The following CTNNA2 variants were observed in gnomAD, a reference collection of about 807,000 sequenced individuals.
CTNNA2 encodes catenin alpha-2.
In CTNNA2, 42 loss-of-function variants were observed where a neutral mutation model predicts 101.0. That is an observed-to-expected ratio of 0.42 (90% confidence interval 0.32 to 0.54). The LOEUF (loss-of-function observed/expected upper bound fraction) is 0.54. Among genes scored for constraint, CTNNA2 ranks in the 20% least tolerant of loss-of-function variants. The pLI is 0.14. For missense variants in CTNNA2, 871 were observed against 1,223.1 expected, an observed-to-expected ratio of 0.71 and a Z score of 4.29; for synonymous variants, 450 against 456.4, an observed-to-expected ratio of 0.99 and a Z score of 0.18.
intron 9 of CTNNA2, among the ~76,000 whole-genome samples, chr2:80,534,143 G>A (rs965265662): frequency 2.6e-5 from 4 of 152,100 alleles, no homozygotes; most frequent in Non-Finnish European, 5.9e-5. Flanking sequence ...AGTGGTGTGT[G>A]TATCCCTAAG....
intron 4 of CTNNA2, among the ~76,000 whole-genome samples, chr2:79,382,777 C>T (rs1046311691): frequency 1.3e-5 from 2 of 152,088 alleles, no homozygotes; most frequent in Non-Finnish European, 2.9e-5. Context: ...CCACGCCCGG[C>T]TAATTTTTCA....
intron 2 of CTNNA2, among the ~76,000 whole-genome samples, chr2:79,257,586 G>GA (rs958681623): frequency 4.7e-5 from 7 of 149,848 alleles, no homozygotes; most frequent in South Asian, 4.2e-4. Context: ...ATAGGAAAAA[G>GA]AAAAAAAAGA....
intron 2 of CTNNA2, among the ~76,000 whole-genome samples, chr2:79,200,827 CTT>C (rs1302212246): frequency 2.6e-5 from 4 of 151,726 alleles, no homozygotes; most frequent in African/African-American, 7.3e-5. Flanking sequence ...AAAAAAAAAA[CTT>C]TTTAAATCTC....
chr2:80,110,721 G>A (rs1010674809), intron 7 of CTNNA2, among the ~76,000 whole-genome samples: 3 of 152,120 alleles, frequency 2.0e-5, no homozygotes, highest in African/African-American at 7.2e-5. Context: ...GAATTTCCAG[G>A]TCTTCCCCTG....
intron 7 of CTNNA2, among the ~76,000 whole-genome samples, chr2:79,944,059 A>G (rs563720927): frequency 1.3e-5 from 2 of 152,300 alleles, no homozygotes; most frequent in South Asian, 4.1e-4. Context: ...GAAATTGCCT[A>G]AAATAAAAGA....
intron 7 of CTNNA2, among the ~76,000 whole-genome samples, chr2:80,110,586 C>T (rs2148860139): frequency 6.6e-6 from 1 of 152,104 alleles, no homozygotes; most frequent in East Asian, 1.9e-4. Context: ...TTGTTTATAG[C>T]CTGTAGAGTT....
At chr2:79,921,868 C>G (rs1448028456) in intron 7 of CTNNA2, among the ~76,000 whole-genome samples, 1 of 152,182 alleles carries the variant, frequency 6.6e-6, no homozygotes, top group Non-Finnish European at 1.5e-5. Flanking sequence ...TTTTGCCCGA[C>G]TGCTCCTGCA....
chr2:79,682,057 A>T (rs1683597213), intron 2 of CTNNA2, among the ~76,000 whole-genome samples: 1 of 152,180 alleles, frequency 6.6e-6, no homozygotes, highest in Non-Finnish European at 1.5e-5. Context: ...TGTTTCTTGT[A>T]TGAAACAATC....
intron 7 of CTNNA2, among the ~76,000 whole-genome samples, chr2:80,215,503 C>G (rs962838188): frequency 1.3e-5 from 2 of 152,204 alleles, no homozygotes; most frequent in Admixed American, 6.5e-5. Context: ...AGCTGCAGGT[C>G]TGTTGGAGTT....
chr2:80,353,107 T>C (rs1183070180), intron 7 of CTNNA2, among the ~76,000 whole-genome samples: 1 of 152,080 alleles, frequency 6.6e-6, no homozygotes, highest in African/African-American at 2.4e-5. Flanking sequence ...AATGCTCAGG[T>C]CCTAGAGCAT....
intron 3 of CTNNA2, among the ~76,000 whole-genome samples, chr2:79,801,318 C>T (rs923597384): frequency 5.3e-5 from 8 of 152,102 alleles, no homozygotes; most frequent in East Asian, 1.9e-4. Context: ...GCTTTTGCCA[C>T]GAGCTTTTGG....
intron 7 of CTNNA2, among the ~76,000 whole-genome samples, chr2:80,024,981 GC>G (rs976610653): frequency 1.1e-4 from 16 of 152,146 alleles, no homozygotes; most frequent in Non-Finnish European, 1.6e-4. Context: ...GCTGGAAGGG[GC>G]AAGGCAGTGG....
intron 2 of CTNNA2, among the ~76,000 whole-genome samples, chr2:79,710,851 A>G (rs976644330): frequency 1.3e-5 from 2 of 152,136 alleles, no homozygotes; most frequent in African/African-American, 4.8e-5. Flanking sequence ...CCCCACATGA[A>G]TATTTCCATT....
chr2:80,069,372 A>G (rs1277270352), intron 7 of CTNNA2, among the ~76,000 whole-genome samples: 1 of 152,208 alleles, frequency 6.6e-6, no homozygotes, highest in East Asian at 1.9e-4. Flanking sequence ...TTAAGTTGCC[A>G]TATAAAATTA....
intron 15 of CTNNA2, among the ~76,000 whole-genome samples, chr2:80,599,148 TAAA>T (rs1697245175): frequency 1.3e-5 from 2 of 152,214 alleles, no homozygotes; most frequent in African/African-American, 4.8e-5. Context: ...TATTTCAAAA[TAAA>T]AAGTTAAAAA....
At chr2:80,548,038 T>C (rs999242643) in intron 11 of CTNNA2, among the ~76,000 whole-genome samples, 25 of 152,156 alleles carry the variant, frequency 1.6e-4, no homozygotes, top group Non-Finnish European at 7.3e-5. Flanking sequence ...GATAGCTGAG[T>C]CCTAATCTTG....
At chr2:80,164,107 A>C (rs1239086285) in intron 7 of CTNNA2, among the ~76,000 whole-genome samples, 1 of 151,796 alleles carries the variant, frequency 6.6e-6, no homozygotes, top group Non-Finnish European at 1.5e-5. Context: ...CCAGTCTTCT[A>C]ATATATACGT....
At chr2:80,401,943 C>T (rs1365069138) in intron 8 of CTNNA2, among the ~76,000 whole-genome samples, 1 of 152,170 alleles carries the variant, frequency 6.6e-6, no homozygotes, top group Non-Finnish European at 1.5e-5. Flanking sequence ...CACTATCTAC[C>T]TGGAGATAAC....
At chr2:79,798,823 A>G (rs1173977002) in intron 3 of CTNNA2, among the ~76,000 whole-genome samples, 1 of 152,184 alleles carries the variant, frequency 6.6e-6, no homozygotes, top group Non-Finnish European at 1.5e-5. Context: ...ACAGTTTTAT[A>G]AAGGAAATTC....
Sources: allele counts gnomAD v4.1 joint callset (sites outside exome capture counted in the v4.1 genomes callset), GRCh38; gene constraint gnomAD v4.1.1; transcripts MANE v1.5; gene names NCBI Gene and HGNC (gene_info 2026-07-23, HGNC 2026-07-21).